The following ST6GALNAC5 variants were observed in gnomAD, a reference collection of about 807,000 sequenced individuals.
ST6GALNAC5 encodes alpha-N-acetylgalactosaminide alpha-2,6-sialyltransferase 5.
ST6GALNAC5 carries 27 observed loss-of-function variants against 33.6 expected under a neutral mutation model. The observed-to-expected ratio is 0.80, with a 90% CI of 0.59 to 1.11. The LOEUF (loss-of-function observed/expected upper bound fraction) is 1.11. ST6GALNAC5 is among the 50% of genes least tolerant of loss of function. The pLI is 0.00. For missense variants in ST6GALNAC5, 428 were observed against 454.0 expected (o/e 0.94, Z 0.52); for synonymous variants, 194 against 171.2 (o/e 1.13, Z -1.04).
intron 2 of ST6GALNAC5, among the ~76,000 whole-genome samples, chr1:76,888,859 G>A (rs1367763734): frequency 6.6e-6 from 1 of 152,008 alleles, no homozygotes; most frequent in Non-Finnish European, 1.5e-5. Flanking sequence ...TTATGGAATG[G>A]CTAAATCAAG....
Position 76,868,948 on chromosome 1 carries a change from G to C in ST6GALNAC5, c.261+206G>C. ...AAGACACAAAGTTTTGTAGAAAATA[G>C]GGGTGAGGTGCGTGGACCCCAAAGC... is the stretch of plus-strand genomic sequence containing the variant. On this transcript the variant is annotated intron_variant, in intron 2 of 4. Transcript: ENST00000477717. The surrounding 1 kb of genome is among the most constrained non-coding windows in gnomAD (Gnocchi z 4.3). 1 of 828,642 alleles carries C rather than the reference G, an allele frequency of 1.2e-6. No individual in the cohort carries two copies. Among genetic ancestry groups the C allele is most frequent in the Non-Finnish European group, 1.7e-6 (1 of 578,156 alleles). The allele number at this position is 828,642 out of a possible 1,614,324, so 51.3% of individuals were successfully genotyped here. A position where few individuals can be genotyped will look rare whatever the true frequency, so the allele number is the denominator to read the frequency against.
chr1:76,883,368 G>C (rs558941301), intron 2 of ST6GALNAC5, among the ~76,000 whole-genome samples: 1 of 152,268 alleles, frequency 6.6e-6, no homozygotes, highest in South Asian at 2.1e-4. Context: ...CTGTATCTCA[G>C]ACATATGAAA....
chr1:76,890,695 ATAT>A (rs1412943406), intron 2 of ST6GALNAC5, among the ~76,000 whole-genome samples: 1 of 152,116 alleles, frequency 6.6e-6, no homozygotes, highest in African/African-American at 2.4e-5. Context: ...AAATTTTAAA[ATAT>A]TATTTGTAAA....
intron 2 of ST6GALNAC5, among the ~76,000 whole-genome samples, chr1:76,950,065 A>G (rs534496584): frequency 1.7e-4 from 26 of 152,226 alleles, no homozygotes; most frequent in African/African-American, 5.5e-4. Flanking sequence ...AGAGCTGCCA[A>G]TAAGTTCAGC....
At chr1:76,886,633 A>G (rs1354215616) in intron 2 of ST6GALNAC5, among the ~76,000 whole-genome samples, 2 of 152,186 alleles carry the variant, frequency 1.3e-5, no homozygotes, top group Non-Finnish European at 2.9e-5. Flanking sequence ...TAGATTGAAC[A>G]ATCACTGGAT....
At chr1:77,042,772 T>C (rs1184906215) in intron 2 of ST6GALNAC5, among the ~76,000 whole-genome samples, 2 of 152,232 alleles carry the variant, frequency 1.3e-5, no homozygotes, top group African/African-American at 4.8e-5. Context: ...AAGGGCTCAA[T>C]CGAATACGGT....
chr1:77,000,558 T>C (rs1288248587), intron 2 of ST6GALNAC5, among the ~76,000 whole-genome samples: 1 of 145,622 alleles, frequency 6.9e-6, no homozygotes, highest in Non-Finnish European at 1.5e-5. Flanking sequence ...GGACATGAAG[T>C]CCTTGCCCAT....
Position 76,867,685 on chromosome 1 carries a change from C to A in ST6GALNAC5, c.10C>A (p.Leu4Met). ...AAAAGAGGTGCCCAAAATGAAGACC[C>A]TGATGGTGAGTCAGTTGTGGCAACT... The part of the protein sequence containing the change: MKT[L>M]MRHGLAVCLA... The change falls in exon 1 of 5, where the codon CTG becomes ATG. Residue 4 changes from leucine to methionine, a missense_variant. Leu to Met is a conservative substitution (Grantham distance 15). Coordinates refer to ENST00000477717, the MANE Select transcript of ST6GALNAC5 (RefSeq NM_030965.3). 1 of 1,614,154 alleles carries A rather than the reference C, an allele frequency of 6.2e-7. No individual in the cohort carries two copies. The highest frequency in any genetic ancestry group is 8.5e-7 in the Non-Finnish European group (1 of 1,180,012).
At chr1:77,037,784 GAT>G (rs1197755179) in intron 2 of ST6GALNAC5, among the ~76,000 whole-genome samples, 2 of 152,156 alleles carry the variant, frequency 1.3e-5, no homozygotes, top group Non-Finnish European at 1.5e-5. Context: ...TGGGGGCTTA[GAT>G]GAAGATGGTG....
rs1223401160 is a variant in ST6GALNAC5 at position 77,064,951 on chromosome 1, A to C, written c.*1745A>C. 1 of 152,226 alleles carries C rather than the reference A, an allele frequency of 6.6e-6. No individual in the cohort carries two copies. 9.4% of individuals were successfully genotyped at this position (152,226 alleles called of 1,614,324 possible). The stretch of plus-strand genomic sequence containing the variant: ...GCAAACACAATCAGGGTACTCACAT[A>C]ACATAAACAAAGTTGATATTGATGT... On this transcript the variant is annotated 3_prime_UTR_variant, in exon 5 of 5. Transcript: ENST00000477717.
chr1:76,870,339 A>G (rs765298634), intron 2 of ST6GALNAC5, among the ~76,000 whole-genome samples: 60 of 152,272 alleles, frequency 3.9e-4, no homozygotes, highest in Non-Finnish European at 7.5e-4. Flanking sequence ...TTCCATGGCT[A>G]TTGTTTGGTG....
chr1:76,871,172 AT>A (rs1055113640), intron 2 of ST6GALNAC5: 1 of 152,226 alleles, frequency 6.6e-6, no homozygotes, highest in African/African-American at 2.4e-5. Flanking sequence ...TTTTTTTCCA[AT>A]TATGACAGGG....
chr1:76,976,530 T>G (rs182661378), intron 2 of ST6GALNAC5, among the ~76,000 whole-genome samples: 1 of 152,274 alleles, frequency 6.6e-6, no homozygotes, highest in East Asian at 1.9e-4. Flanking sequence ...AAAAGTTCCC[T>G]GTGCCTTCAT....
chr1:77,004,101 C>T (rs1313130425), intron 2 of ST6GALNAC5, among the ~76,000 whole-genome samples: 1 of 150,418 alleles, frequency 6.6e-6, no homozygotes, highest in African/African-American at 2.4e-5. Flanking sequence ...CAACTTGGTT[C>T]CATTCTCCCC....
intron 2 of ST6GALNAC5, among the ~76,000 whole-genome samples, chr1:76,869,472 T>A (rs1653446812): frequency 6.6e-6 from 1 of 152,234 alleles, no homozygotes; most frequent in Non-Finnish European, 1.5e-5. Context: ...CTAATCAAGT[T>A]TGCTGATTCT....
intron 2 of ST6GALNAC5, among the ~76,000 whole-genome samples, chr1:76,946,660 G>A (rs990563086): frequency 6.6e-6 from 1 of 152,118 alleles, no homozygotes; most frequent in African/African-American, 2.4e-5. Flanking sequence ...AGAGTGGTCT[G>A]TACATGATAA....
intron 2 of ST6GALNAC5, among the ~76,000 whole-genome samples, chr1:76,915,549 T>C (rs372660962): frequency 1.4e-4 from 21 of 152,144 alleles, no homozygotes; most frequent in East Asian, 9.6e-4. Flanking sequence ...TGTAGGGACA[T>C]GGATGAAACT....
At chr1:76,884,705 C>G (rs1050523879) in intron 2 of ST6GALNAC5, among the ~76,000 whole-genome samples, 1 of 152,066 alleles carries the variant, frequency 6.6e-6, no homozygotes, top group Admixed American at 6.6e-5. Context: ...GACTGGGTTC[C>G]AGAAAGGCAA....
intron 4 of ST6GALNAC5, among the ~76,000 whole-genome samples, chr1:77,050,664 T>C (rs1370863221): frequency 6.6e-6 from 1 of 152,252 alleles, no homozygotes; most frequent in Non-Finnish European, 1.5e-5. Context: ...TGAACAAGCA[T>C]TAAGAAATAT....
Sources: gnomAD v4.1 joint callset for allele counts (sites outside exome capture counted in the v4.1 genomes callset) on GRCh38, gnomAD v4.1.1 for gene constraint, Gnocchi (gnomAD v3.1) non-coding constraint, MANE v1.5 for transcripts, NCBI Gene and HGNC (gene_info 2026-07-23, HGNC 2026-07-21) for gene names.